CD2AP: variants seen among roughly 807,000 people sequenced by gnomAD.
CD2AP encodes CD2 associated protein, also known as CD2-associated protein.
CD2AP carries 46 observed loss-of-function variants against 85.1 expected under a neutral mutation model. The observed-to-expected ratio is 0.54, with a 90% CI of 0.43 to 0.69. CD2AP has a LOEUF of 0.69. CD2AP is among the 30% of genes least tolerant of loss of function. The pLI is 0.00. For missense variants in CD2AP, 769 were observed against 729.5 expected (o/e 1.05, Z -0.62); for synonymous variants, 255 against 252.9 (o/e 1.01, Z -0.08).
At position 47,574,154 on chromosome 6, in the gene CD2AP, T is replaced by C; in HGVS notation, c.632T>C (p.Ile211Thr). The change falls in exon 6 of 18, where the codon ATT (isoleucine) becomes ACT (threonine). Residue 211 changes from isoleucine to threonine, a missense_variant. Physicochemically the swap from Ile to Thr is moderately conservative, Grantham distance 89. Transcript: ENST00000359314. ...ASGSVTQPKK[I>T]RGIGFGDIFK... ...GGATCAGTTACACAGCCAAAGAAAA[T>C]TCGAGGAATTGGATTTGGAGACATT... is the stretch of plus-strand genomic sequence containing the variant. 1 of 1,614,040 alleles carries C rather than the reference T, an allele frequency of 6.2e-7. No homozygotes were observed. The highest frequency in any genetic ancestry group is 1.3e-5 in the African/African-American group (1 of 75,022).
chr6:47,496,229 G>A (rs1232857673), intron 1 of CD2AP, among the ~76,000 whole-genome samples: 7 of 151,778 alleles, frequency 4.6e-5, no homozygotes, highest in Admixed American at 2.0e-4. Context: ...ATATTTTCTT[G>A]GGTGTAGAGA....
intron 14 of CD2AP, among the ~76,000 whole-genome samples, chr6:47,607,320 T>C (rs1375219705): frequency 6.6e-6 from 1 of 152,082 alleles, no homozygotes; most frequent in East Asian, 1.9e-4. Context: ...TTTTGGTATA[T>C]ACCTAGCAGT....
chr6:47,486,438 G>GT (rs1765567705), intron 1 of CD2AP, among the ~76,000 whole-genome samples: 2 of 152,086 alleles, frequency 1.3e-5, no homozygotes, highest in Middle Eastern at 3.4e-3. Flanking sequence ...GAGAGAGAGA[G>GT]TATAGGGTCA....
chr6:47,566,989 T>A (rs1189070224), intron 5 of CD2AP, among the ~76,000 whole-genome samples: 1 of 152,148 alleles, frequency 6.6e-6, no homozygotes, highest in Non-Finnish European at 1.5e-5. Context: ...AAGATTAATG[T>A]CACTCCCATT....
intron 5 of CD2AP, among the ~76,000 whole-genome samples, chr6:47,565,191 G>A (rs954512651): frequency 6.6e-6 from 1 of 152,148 alleles, no homozygotes; most frequent in Admixed American, 6.5e-5. Flanking sequence ...CTGTAGGAAT[G>A]TGGTGAATTA....
chr6:47,609,874 A>C lies in CD2AP; in HGVS notation c.1814+570A>C, dbSNP rs555228425. ...AGAAATCTTCTGGTCGGATATGATT[A>C]GTTTTTAAACTACTAGGAAAAATAT... On this transcript the variant is annotated intron_variant, in intron 16 of 17. Coordinates refer to ENST00000359314, the MANE Select transcript of CD2AP (RefSeq NM_012120.3). 3.3e-5 allele frequency among the ~76,000 whole-genome samples: 5 copies of C among 152,196 alleles called. No homozygotes were observed. The South Asian group carries it at 6.2e-4, about 19-fold the overall frequency.
At chr6:47,565,559 C>T (rs538593257) in intron 5 of CD2AP, among the ~76,000 whole-genome samples, 1 of 151,976 alleles carries the variant, frequency 6.6e-6, no homozygotes, top group African/African-American at 2.4e-5. Context: ...CCTAAGATGC[C>T]CAAAATTGAT....
intron 13 of CD2AP, among the ~76,000 whole-genome samples, chr6:47,603,466 A>G (rs986597547): frequency 6.6e-5 from 10 of 152,084 alleles, no homozygotes; most frequent in Non-Finnish European, 1.5e-4. Flanking sequence ...TTAAAGCACC[A>G]AGCCATCCTT....
intron 2 of CD2AP, among the ~76,000 whole-genome samples, chr6:47,505,016 T>C (rs1469548246): frequency 1.2e-5 from 1 of 80,334 alleles, no homozygotes; most frequent in African/African-American, 4.3e-5. Flanking sequence ...AGTTTCTTTT[T>C]TTTTTTTTTT....
chr6:47,579,567 C>A, intron 9 of CD2AP, 78 bp downstream of exon 9: 2 of 890,698 alleles, frequency 2.2e-6, no homozygotes, highest in Non-Finnish European at 3.7e-6. Flanking sequence ...AGTTTTTTTG[C>A]ATTATTATTG....
At position 47,624,355 on chromosome 6, in the gene CD2AP, T is replaced by G. The variant is rs899483605; in HGVS notation, c.*128T>G. 1.3e-6 allele frequency: 1 copy of G among 756,486 alleles called. No individual in the cohort carries two copies. The highest frequency in any genetic ancestry group is 2.3e-6 in the Non-Finnish European group (1 of 431,420). The allele number at this position is 756,486 out of a possible 1,614,324, so 46.9% of individuals were successfully genotyped here. A position where few individuals can be genotyped will look rare whatever the true frequency, so the allele number is the denominator to read the frequency against. On this transcript the variant is annotated 3_prime_UTR_variant, in exon 18 of 18. Coordinates refer to ENST00000359314, the MANE Select transcript of CD2AP (RefSeq NM_012120.3). ...AAATATGAGCAAATGAAGTGTAATA[T>G]CTATAGAAAAGTAGAGTGAGGGTGA...
intron 5 of CD2AP, among the ~76,000 whole-genome samples, chr6:47,573,640 C>A (rs1287602461): frequency 6.6e-6 from 1 of 151,850 alleles, no homozygotes; most frequent in Non-Finnish European, 1.5e-5. Flanking sequence ...AGGCACCTGC[C>A]ACCATGCCCG....
At chr6:47,484,983 A>G (rs1161820198) in intron 1 of CD2AP, among the ~76,000 whole-genome samples, 2 of 152,304 alleles carry the variant, frequency 1.3e-5, no homozygotes, top group East Asian at 3.9e-4. Context: ...GCCATCCCAC[A>G]CTATAGTAGT....
chr6:47,479,676 A>C (rs1363278991), intron 1 of CD2AP, among the ~76,000 whole-genome samples: 1 of 152,224 alleles, frequency 6.6e-6, no homozygotes, highest in Non-Finnish European at 1.5e-5. Flanking sequence ...AAAGTTAATT[A>C]CACAGTTCTT....
At chr6:47,609,469 G>A in intron 16 of CD2AP, 165 bp downstream of exon 16, 2 of 490,984 alleles carry the variant, frequency 4.1e-6, no homozygotes, top group Middle Eastern at 6.4e-4. Flanking sequence ...TTGAGTCCAG[G>A]AGTTCGAGAC....
rs1271510316 is a variant in CD2AP, at chr6:47,557,763, C to T, written c.541+2997C>T. Among the ~76,000 whole-genome samples the T allele has an allele frequency of 2.0e-5, 3 of 152,136 alleles. No individual in the cohort carries two copies. The East Asian group carries it at 5.8e-4, about 29-fold the overall frequency. On this transcript the variant is annotated intron_variant, in intron 5 of 17. Coordinates refer to ENST00000359314, the MANE Select transcript of CD2AP (RefSeq NM_012120.3). ...TAGTTTGAAGTCAGGTAGCATGATGCCTCCAGCTTTGTTCTTTTTGCTTAG... is the reference window on the plus strand; with the variant it reads ...TAGTTTGAAGTCAGGTAGCATGATGTCTCCAGCTTTGTTCTTTTTGCTTAG...
At position 47,580,862 on chromosome 6, in the gene CD2AP, A is replaced by G; in HGVS notation, c.1009-2A>G. 6.2e-7 allele frequency: 1 copy of G among 1,604,396 alleles called. No individual in the cohort carries two copies. On this transcript the variant is annotated splice_acceptor_variant, in intron 9 of 17. Coordinates refer to ENST00000359314, the MANE Select transcript of CD2AP (RefSeq NM_012120.3). LOFTEE classifies it high-confidence loss of function. ...CCGTTTCCACCATTATTATTTTAAC[A>G]GAAACCAAAGAAACCACCACCTCCT...
intron 2 of CD2AP, among the ~76,000 whole-genome samples, chr6:47,512,154 T>C (rs1766334546): frequency 1.3e-5 from 2 of 150,446 alleles, no homozygotes; most frequent in African/African-American, 4.9e-5. Context: ...CGAGACTCCG[T>C]CTGAAAAAAA....
Position 47,624,408 on chromosome 6 carries a change from T to A in CD2AP, c.*181T>A. On this transcript the variant is annotated 3_prime_UTR_variant, in exon 18 of 18. Transcript: ENST00000359314. ...TTATATATATATTTTGTTTTGCCAA[T>A]ATGAAGAAAAAGAGGCCTTATTTCT... 1 of 565,952 alleles carries A rather than the reference T, an allele frequency of 1.8e-6. No homozygotes were observed. Among genetic ancestry groups the A allele is most frequent in the Admixed American group, 3.2e-5 (1 of 31,376 alleles). 35.1% of individuals were successfully genotyped at this position (565,952 alleles called of 1,614,324 possible).
Sources: allele counts gnomAD v4.1 joint callset (sites outside exome capture counted in the v4.1 genomes callset), GRCh38; gene constraint gnomAD v4.1.1; transcripts MANE v1.5; gene names NCBI Gene and HGNC (gene_info 2026-07-23, HGNC 2026-07-21).